CHL1: variants seen among roughly 807,000 people sequenced by gnomAD.
The protein encoded by CHL1 is cell adhesion molecule L1 like.
CHL1 carries 96 observed loss-of-function variants against 141.9 expected under a neutral mutation model. That is an observed-to-expected ratio of 0.68 (90% CI 0.57 to 0.80). The LOEUF (loss-of-function observed/expected upper bound fraction) is 0.80. Among genes scored for constraint, CHL1 ranks in the 30% least tolerant of loss-of-function variants. The pLI is 0.00. For synonymous variants in CHL1, 613 were observed against 502.2 expected (o/e 1.22, Z -2.95); for missense variants, 1,820 against 1,457.2 (o/e 1.25, Z -4.05).
In CHL1 at chr3:382,660, C is replaced by G; in HGVS notation, c.2165C>G (p.Thr722Arg). Residue 722 changes from threonine (T) to arginine (R), a missense_variant, in exon 18 of 28, where the codon ACA becomes AGA. Transcript: ENST00000256509. Reference protein sequence around the residue: ...QPSQPSDHHETPPAAPDRNPQ... With the variant: ...QPSQPSDHHERPPAAPDRNPQ... Reference sequence around the variant, plus strand: ...AGCCAGCCGTCAGACCATCATGAAACACCACCAGCAGGTATGCAGGTTCTC... The same window carrying G: ...AGCCAGCCGTCAGACCATCATGAAAGACCACCAGCAGGTATGCAGGTTCTC... 1 of 1,613,540 alleles carries G rather than the reference C, an allele frequency of 6.2e-7. No individual in the cohort carries two copies. The highest frequency in any genetic ancestry group is 8.5e-7 in the Non-Finnish European group (1 of 1,179,652).
At chr3:275,141 G>T (rs887727742) in intron 2 of CHL1, among the ~76,000 whole-genome samples, 2 of 152,204 alleles carry the variant, frequency 1.3e-5, no homozygotes, top group African/African-American at 4.8e-5. Context: ...TACTAGTGAT[G>T]AAACTGCCCC....
At chr3:404,631 G>C (rs1039767623) in intron 27 of CHL1, among the ~76,000 whole-genome samples, 1 of 152,016 alleles carries the variant, frequency 6.6e-6, no homozygotes, top group Non-Finnish European at 1.5e-5. Flanking sequence ...AACTTGAATT[G>C]TTAACTATAT....
chr3:236,383 C>T (rs985741121), intron 1 of CHL1, among the ~76,000 whole-genome samples: 37 of 152,188 alleles, frequency 2.4e-4, no homozygotes, highest in African/African-American at 8.4e-4. Context: ...TCAATCAGCC[C>T]CAGGTCCTTC....
chr3:381,814 A>G (rs1035323599), intron 16 of CHL1, among the ~76,000 whole-genome samples: 9 of 152,080 alleles, frequency 5.9e-5, no homozygotes, highest in Non-Finnish European at 1.2e-4. Context: ...ATGCCAGCAA[A>G]GTTATTTGGT....
intron 20 of CHL1, among the ~76,000 whole-genome samples, chr3:390,100 A>G (rs914784825): frequency 1.4e-4 from 21 of 152,236 alleles, no homozygotes; most frequent in African/African-American, 5.1e-4. Flanking sequence ...AAGGTTCAGA[A>G]TGAGAAATAG....
At chr3:251,098 T>C (rs1693653204) in intron 2 of CHL1, among the ~76,000 whole-genome samples, 1 of 152,146 alleles carries the variant, frequency 6.6e-6, no homozygotes, top group South Asian at 2.1e-4. Context: ...TGACCTGTGG[T>C]GGTCAGAGAA....
At chr3:349,715 C>T (rs111523232) in intron 10 of CHL1, among the ~76,000 whole-genome samples, 172 bp downstream of exon 10, 2,834 of 152,192 alleles carry the variant, frequency 0.019, 90 homozygotes, top group African/African-American at 0.065. Context: ...TTGTCATTTA[C>T]GCCCCAAAAT....
At chr3:198,275 T>A (rs1698572874) in intron 1 of CHL1, among the ~76,000 whole-genome samples, 1 of 151,966 alleles carries the variant, frequency 6.6e-6, no homozygotes, top group Admixed American at 6.5e-5. Flanking sequence ...GGCGCCGGCG[T>A]CCAGTCCCGC....
intron 2 of CHL1, among the ~76,000 whole-genome samples, chr3:275,642 C>T (rs764155643): frequency 7.9e-5 from 12 of 152,114 alleles, no homozygotes; most frequent in Non-Finnish European, 1.0e-4. Flanking sequence ...ATGTAGGGTC[C>T]ACATGTTTGG....
chr3:337,455 G>A (rs528670373), intron 5 of CHL1, among the ~76,000 whole-genome samples: 18 of 152,046 alleles, frequency 1.2e-4, no homozygotes, highest in African/African-American at 4.3e-4. Context: ...CCATGCTGGT[G>A]TGCTGCACCC....
intron 11 of CHL1, among the ~76,000 whole-genome samples, chr3:357,135 A>ACC (rs1192979557): frequency 2.6e-5 from 4 of 152,188 alleles, no homozygotes; most frequent in Non-Finnish European, 5.9e-5. Flanking sequence ...ACAGCTGAAT[A>ACC]ATGGTAGACT....
rs150573608 is a variant in CHL1 at position 271,782 on chromosome 3, T to C, written c.-95+27090T>C. 4.1e-3 allele frequency among the ~76,000 whole-genome samples: 630 copies of C among 152,216 alleles called. 12 individuals are homozygous for C. The highest frequency in any genetic ancestry group is 0.023 in the South Asian group (111 of 4,800). ...GAGGAAGGGGAAATCAAAGTGAACA[T>C]TGATGAATGTGGGTAAGGATATTGT... On this transcript the variant is annotated intron_variant, in intron 2 of 27. Coordinates refer to ENST00000256509, the MANE Select transcript of CHL1 (RefSeq NM_006614.4).
At chr3:281,740 A>G (rs946142044) in intron 2 of CHL1, among the ~76,000 whole-genome samples, 1 of 151,848 alleles carries the variant, frequency 6.6e-6, no homozygotes, top group Admixed American at 6.6e-5. Flanking sequence ...TTGTATTTTT[A>G]GTAGAGATGG....
In CHL1 at chr3:408,424, C is replaced by T. The variant is rs1388222588; in HGVS notation, c.*2713C>T. The T allele has an allele frequency of 6.6e-6, 1 of 152,126 alleles. No individual in the cohort carries two copies. Among genetic ancestry groups the T allele is most frequent in the African/African-American group, 2.4e-5 (1 of 41,440 alleles). 9.4% of individuals were successfully genotyped at this position (152,126 alleles called of 1,614,324 possible). ...ACTGATTTTGTACATAAACATTAGG[C>T]AGGTTGCTTAACCTTTTTATTTCAA... On this transcript the variant is annotated 3_prime_UTR_variant, in exon 28 of 28. Transcript: ENST00000256509.
At chr3:382,155 AT>A in intron 16 of CHL1, 23 bp from the exon 17 acceptor site, 2 of 1,586,238 alleles carry the variant, frequency 1.3e-6, no homozygotes, top group South Asian at 1.1e-5. Context: ...AATTATCTAC[AT>A]TTTCCCTTCC....
chr3:375,489 A>G (rs2125351519), intron 15 of CHL1, among the ~76,000 whole-genome samples: 1 of 152,044 alleles, frequency 6.6e-6, no homozygotes, highest in East Asian at 1.9e-4. Flanking sequence ...GAAGATGCAA[A>G]GATGAAGATG....
Position 267,569 on chromosome 3 carries a change from A to C in CHL1, c.-95+22877A>C, listed in dbSNP as rs149017861. Among the ~76,000 whole-genome samples the C allele has an allele frequency of 1.4e-3, 206 of 146,008 alleles. 2 individuals are homozygous for C. The highest frequency in any genetic ancestry group is 4.8e-3 in the African/African-American group (189 of 39,620). ...TAGTCAAAAACTAAAACCAAAAGCAAAATCTGTAAAATTCCTTTTTTGAGG... is the reference window on the plus strand; with the variant it reads ...TAGTCAAAAACTAAAACCAAAAGCACAATCTGTAAAATTCCTTTTTTGAGG... On this transcript the variant is annotated intron_variant, in intron 2 of 27. Transcript: ENST00000256509.
chr3:294,031 G>T (rs961732681), intron 2 of CHL1, among the ~76,000 whole-genome samples: 1 of 151,940 alleles, frequency 6.6e-6, no homozygotes, highest in Non-Finnish European at 1.5e-5. Flanking sequence ...TAAAATAAAG[G>T]TTACAGGCTG....
chr3:302,098 T>C (rs1321641696), intron 2 of CHL1, among the ~76,000 whole-genome samples: 1 of 152,218 alleles, frequency 6.6e-6, no homozygotes, highest in Non-Finnish European at 1.5e-5. Flanking sequence ...TATGGTTGCA[T>C]AGTATTCCAT....
Sources: allele counts gnomAD v4.1 joint callset (sites outside exome capture counted in the v4.1 genomes callset), GRCh38; gene constraint gnomAD v4.1.1; transcripts MANE v1.5; gene names NCBI Gene and HGNC (gene_info 2026-07-23, HGNC 2026-07-21).